The following BCOR variants were observed in gnomAD, a reference collection of about 807,000 sequenced individuals.
BCOR encodes the protein BCL-6 corepressor.
BCOR carries 10 observed loss-of-function variants against 86.7 expected under a neutral mutation model. That is an observed-to-expected ratio of 0.12 (90% confidence interval 0.07 to 0.20). The LOEUF is 0.20. Ranked by LOEUF, BCOR falls within the 10% of genes least tolerant of loss-of-function variation. The pLI, the probability that BCOR is intolerant of heterozygous loss-of-function variation, is 1.00. For synonymous variants in BCOR, 611 were observed against 609.0 expected (o/e 1.00, Z -0.05); for missense variants, 1,259 against 1,452.1 (o/e 0.87, Z 2.16).
intron 1 of BCOR, among the ~76,000 whole-genome samples, chrX:40,119,594 A>G (rs1259042499): frequency 1.8e-5 from 2 of 110,609 alleles, no homozygotes; most frequent in African/African-American, 6.6e-5. Flanking sequence ...AGCTGTGATC[A>G]CAGCACTGCA....
At chrX:40,061,314 G>C (rs1446670331) in intron 10 of BCOR, among the ~76,000 whole-genome samples, 1 of 111,770 alleles carries the variant, frequency 8.9e-6, no homozygotes, top group Non-Finnish European at 1.9e-5. Flanking sequence ...GCCAGTCCTG[G>C]AGAGGAGCCG....
intron 1 of BCOR, among the ~76,000 whole-genome samples, chrX:40,111,885 A>T (rs185311638): frequency 2.1e-4 from 23 of 111,569 alleles, no homozygotes; most frequent in Non-Finnish European, 2.4e-4. Flanking sequence ...TTCTAGCAAC[A>T]CATGGAGACA....
rs777945715 is a variant in BCOR at position 40,074,747 on chromosome X, G to A, written c.599C>T (p.Thr200Met). The A allele has an allele frequency of 4.1e-6, 5 of 1,211,742 alleles. No homozygotes were observed. In the East Asian group the frequency reaches 8.9e-5, roughly 21 times the overall value. ...PWVNPYMEGA[T>M]PAIYPFLDSP... ...GTCGAGGAAAGGGTAGATGGCTGGCGTGGCACCCTCCATGTAAGGATTGAC... is the reference window on the plus strand; with the variant it reads ...GTCGAGGAAAGGGTAGATGGCTGGCATGGCACCCTCCATGTAAGGATTGAC... The change falls in exon 4 of 15, where the codon ACG (threonine) becomes ATG (methionine). Residue 200 changes from threonine (T) to methionine (M), a missense_variant. Transcript: ENST00000378444.
chrX:40,168,146 G>T (rs778159765), intron 1 of BCOR, among the ~76,000 whole-genome samples: 1 of 113,011 alleles, frequency 8.8e-6, no homozygotes, highest in Admixed American at 9.2e-5. Context: ...GTCCTTCCTC[G>T]CTGCGCTTCC....
intron 1 of BCOR, among the ~76,000 whole-genome samples, chrX:40,132,694 C>T (rs1156701763): frequency 8.9e-6 from 1 of 112,463 alleles, no homozygotes; most frequent in Non-Finnish European, 1.9e-5. Flanking sequence ...GAATAACTTG[C>T]CCATGGTCAC....
At chrX:40,102,248 C>T (rs1240864868), upstream of BCOR, among the ~76,000 whole-genome samples, 1 of 113,024 alleles carries the variant, frequency 8.8e-6, no homozygotes, top group South Asian at 3.6e-4. Context: ...GCAGCCTCTC[C>T]GTGGTTCCTA....
intron 1 of BCOR, among the ~76,000 whole-genome samples, chrX:40,128,640 G>A (rs1283933599): frequency 8.9e-6 from 1 of 112,199 alleles, no homozygotes; most frequent in African/African-American, 3.2e-5. Context: ...GGAAATAAAA[G>A]GGAGCAGGGA....
At chrX:40,168,090 A>T (rs900692999) in intron 1 of BCOR, among the ~76,000 whole-genome samples, 8 of 112,746 alleles carry the variant, frequency 7.1e-5, no homozygotes, top group Admixed American at 3.7e-4. Flanking sequence ...GCACACACAG[A>T]CACGCACACG....
chrX:40,104,853 A>C (rs1227773269), intron 1 of BCOR, among the ~76,000 whole-genome samples: 3 of 112,316 alleles, frequency 2.7e-5, no homozygotes, highest in African/African-American at 9.7e-5. Flanking sequence ...CGTAAGGCCC[A>C]CACGCGTCCC....
At chrX:40,154,460 A>G (rs1938242958) in intron 1 of BCOR, among the ~76,000 whole-genome samples, 1 of 110,520 alleles carries the variant, frequency 9.0e-6, no homozygotes, top group Non-Finnish European at 1.9e-5. Context: ...CCTCTCTTTA[A>G]ATAGATTTCA....
chrX:40,079,557 T>TA (rs1381340596), intron 1 of BCOR, among the ~76,000 whole-genome samples: 2 of 111,603 alleles, frequency 1.8e-5, no homozygotes, highest in African/African-American at 6.5e-5. Context: ...CACGTACAGT[T>TA]AGAGCTCAAC....
chrX:40,109,045 C>A (rs1937247542), intron 1 of BCOR, among the ~76,000 whole-genome samples: 1 of 113,164 alleles, frequency 8.8e-6, no homozygotes, highest in Admixed American at 9.2e-5. Context: ...GCGGCCCTGG[C>A]CCGCACGATT....
chrX:40,124,614 C>G (rs143314699), intron 1 of BCOR, among the ~76,000 whole-genome samples: 1,757 of 104,498 alleles, frequency 0.017, 29 homozygotes, highest in Admixed American at 0.062. Flanking sequence ...ACAAACACTT[C>G]TTTTTGAGAG....
intron 1 of BCOR, among the ~76,000 whole-genome samples, chrX:40,134,875 C>G (rs970868480): frequency 9.0e-6 from 1 of 111,632 alleles, no homozygotes; most frequent in East Asian, 2.8e-4. Context: ...TGATTAGAAC[C>G]ACTCTGGGCA....
intron 1 of BCOR, among the ~76,000 whole-genome samples, chrX:40,174,776 AC>A (rs1255704055): frequency 8.9e-6 from 1 of 112,358 alleles, no homozygotes; most frequent in Non-Finnish European, 1.9e-5. Context: ...TCAGCCCCGC[AC>A]CTCCTGAGCA....
intron 1 of BCOR, among the ~76,000 whole-genome samples, chrX:40,142,790 C>A (rs1937951175): frequency 9.0e-6 from 1 of 111,596 alleles, no homozygotes; most frequent in Non-Finnish European, 1.9e-5. Context: ...CCCAAGTGAA[C>A]ATGCACTCCA....
rs144722432 is a variant in BCOR, at chrX:40,073,311, C to T, written c.2035G>A (p.Val679Ile). 1,002 of 1,208,652 alleles carry T rather than the reference C, an allele frequency of 8.3e-4. 1 individual carries two copies. Among genetic ancestry groups the T allele is most frequent in the Middle Eastern group, 1.1e-3 (5 of 4,350 alleles). ...SPLSLHGKGP[V>I]YPHPVLLPNG... ...GGTAACAAAACTGGGTGAGGGTAGA[C>T]AGGTCCTTTGCCATGTAAGGAGAGG... is the stretch of plus-strand genomic sequence containing the variant. Residue 679 changes from valine to isoleucine, a missense_variant, in exon 4 of 15, where the codon GTC becomes ATC. Physicochemically the swap from Val to Ile is conservative, Grantham distance 29. Around this residue, in one of 7 missense-constraint regions of BCOR, gnomAD observed 534 missense variants for 594.8 expected, o/e 0.90. Transcript: ENST00000378444.
chrX:40,083,075 G>A (rs1342827439), intron 1 of BCOR, among the ~76,000 whole-genome samples: 1 of 109,786 alleles, frequency 9.1e-6, no homozygotes, highest in African/African-American at 3.3e-5. Context: ...TGTCAAGGAA[G>A]GGAGGGGTGA....
intron 11 of BCOR, 25 bp downstream of exon 11, chrX:40,057,130 G>T (rs1211371018): frequency 1.7e-6 from 2 of 1,208,592 alleles, no homozygotes; most frequent in South Asian, 1.8e-5. Context: ...GCAGAGCCAG[G>T]CTGAGAACAA....
Sources: gnomAD v4.1 joint callset for allele counts (sites outside exome capture counted in the v4.1 genomes callset) on GRCh38, gnomAD v4.1.1 for gene constraint, gnomAD v4.1.1 regional missense constraint, MANE v1.5 for transcripts, NCBI Gene and HGNC (gene_info 2026-07-23, HGNC 2026-07-21) for gene names.